Variants in TAF2 observed in about 807,000 individuals in gnomAD.
The protein encoded by TAF2 is transcription initiation factor TFIID subunit 2.
A neutral mutation model predicts 138.5 loss-of-function variants in TAF2; 61 were observed. The ratio of observed to expected loss-of-function variants is 0.44; its 90% confidence interval spans 0.36 to 0.54. The LOEUF (loss-of-function observed/expected upper bound fraction) is 0.54. Ranked by LOEUF, TAF2 falls within the 20% of genes least tolerant of loss-of-function variation. The pLI, the probability that TAF2 is intolerant of heterozygous loss-of-function variation, is 0.00. For synonymous variants in TAF2, 475 were observed against 469.9 expected (o/e 1.01, Z -0.14); for missense variants, 1,090 against 1,427.9 (o/e 0.76, Z 3.81).
At chr8:119,821,767 G>A (rs1003858509) in intron 2 of TAF2, among the ~76,000 whole-genome samples, 4 of 152,148 alleles carry the variant, frequency 2.6e-5, no homozygotes, top group African/African-American at 4.8e-5. Flanking sequence ...AGCCAGGCAT[G>A]GGCTCACGCC....
intron 18 of TAF2, among the ~76,000 whole-genome samples, chr8:119,776,405 G>A (rs866991881): frequency 1.5e-4 from 23 of 148,640 alleles, no homozygotes; most frequent in South Asian, 8.5e-4. Context: ...CAATTTGGCC[G>A]GGCACGGTGG....
chr8:119,743,987 C>T (rs1052090453), intron 24 of TAF2, among the ~76,000 whole-genome samples: 33 of 152,074 alleles, frequency 2.2e-4, no homozygotes, highest in Non-Finnish European at 2.8e-4. Flanking sequence ...ACTATGGTTA[C>T]ATGAAGTCAA....
intron 22 of TAF2, among the ~76,000 whole-genome samples, chr8:119,754,493 G>A (rs201999039): frequency 6.6e-6 from 1 of 152,074 alleles, no homozygotes; most frequent in Non-Finnish European, 1.5e-5. Context: ...GACCAGCCTG[G>A]CCAACATGGT....
At chr8:119,823,149 T>C (rs548847296) in intron 2 of TAF2, among the ~76,000 whole-genome samples, 46 of 152,338 alleles carry the variant, frequency 3.0e-4, no homozygotes, top group African/African-American at 1.1e-3. Context: ...TTTAAATGCC[T>C]TTAGATCTAT....
chr8:119,825,300 G>C (rs1282130273), intron 2 of TAF2, among the ~76,000 whole-genome samples: 1 of 152,190 alleles, frequency 6.6e-6, no homozygotes, highest in Non-Finnish European at 1.5e-5. Context: ...TCTGCCATTT[G>C]GAATGGCTGT....
At position 119,731,604 on chromosome 8, in the gene TAF2, T is replaced by C. The variant is rs941651454; in HGVS notation, c.*320A>G. 2.0e-5 allele frequency: 7 copies of C among 350,072 alleles called. No homozygotes were observed. The Admixed American group carries it at 2.9e-4, about 15-fold the overall frequency. The allele number at this position is 350,072 out of a possible 1,614,324, so 21.7% of individuals were successfully genotyped here. On this transcript the variant is annotated 3_prime_UTR_variant, in exon 26 of 26. Transcript: ENST00000378164. ...TTTCAAACATAATTGACTTTGGCGG[T>C]ACACATGGAGACCATGATGCGAACG...
At chr8:119,743,841 G>A (rs1016309199) in intron 24 of TAF2, among the ~76,000 whole-genome samples, 6 of 152,104 alleles carry the variant, frequency 3.9e-5, no homozygotes, top group Non-Finnish European at 5.9e-5. Context: ...TGTTGTCTTA[G>A]GTAGTATTTT....
Position 119,746,912 on chromosome 8 carries a change from T to C in TAF2, c.2901A>G (p.Leu967=). ...AGTACAAGTCCACAGCACCACACCG[T>C]AACCTCCAGTCATGTGAAGTACCTA... ...MNSGTSHDWR[L]RCGAVDLYFT... Residue 967 remains leucine (L), a synonymous_variant, in exon 23 of 26, where the codon TTA becomes TTG. Transcript: ENST00000378164. 6.2e-7 allele frequency: 1 copy of C among 1,614,136 alleles called. No individual in the cohort carries two copies.
chr8:119,746,575 A>G, intron 23 of TAF2, 130 bp downstream of exon 23: 2 of 972,764 alleles, frequency 2.1e-6, no homozygotes, highest in East Asian at 2.5e-5. Flanking sequence ...AATGTCAGCC[A>G]GCATTTTTTA....
chr8:119,738,167 CTATA>C (rs2130980523), intron 25 of TAF2, among the ~76,000 whole-genome samples: 1 of 151,522 alleles, frequency 6.6e-6, no homozygotes, highest in Non-Finnish European at 1.5e-5. Flanking sequence ...TTTTCTCTCT[CTATA>C]TATGTACGTA....
intron 3 of TAF2, 90 bp from the exon 4 acceptor site, chr8:119,806,491 A>C: frequency 1.1e-6 from 1 of 939,282 alleles, no homozygotes; most frequent in Non-Finnish European, 1.6e-6. Flanking sequence ...TTTTTTTTAG[A>C]TGAAGTCTCA....
chr8:119,760,844 T>G (rs1176186359), intron 19 of TAF2, 106 bp from the exon 20 acceptor site: 1 of 1,480,236 alleles, frequency 6.8e-7, no homozygotes, highest in Non-Finnish European at 9.3e-7. Flanking sequence ...TAAAAACTGA[T>G]GTGATTTTAA....
intron 25 of TAF2, among the ~76,000 whole-genome samples, chr8:119,739,976 G>T (rs920734235): frequency 6.6e-6 from 1 of 151,934 alleles, no homozygotes; most frequent in African/African-American, 2.4e-5. Context: ...TCAGCTTGAT[G>T]AACTGGATAT....
intron 23 of TAF2, among the ~76,000 whole-genome samples, chr8:119,746,270 G>A (rs1348864181): frequency 6.7e-6 from 1 of 148,756 alleles, no homozygotes; most frequent in African/African-American, 2.4e-5. Context: ...CTACTCAGGA[G>A]GCTAAGGCAG....
Position 119,806,135 on chromosome 8 carries a change from T to C in TAF2, c.418+148A>G, listed in dbSNP as rs543946347. On this transcript the variant is annotated intron_variant, in intron 4 of 25. Transcript: ENST00000378164. ...CAGGCTGGTCTTGAACTCCTGATCT[T>C]AGGTGATCCACCCGCCTCAGCCTCC... The C allele has an allele frequency of 1.1e-4, 79 of 713,334 alleles. 1 individual carries two copies. The highest frequency in any genetic ancestry group is 1.8e-4 in the Non-Finnish European group (73 of 398,858). The allele number at this position is 713,334 out of a possible 1,614,324, so 44.2% of individuals were successfully genotyped here. A position where few individuals can be genotyped will look rare whatever the true frequency, so the allele number is the denominator to read the frequency against.
At chr8:119,810,139 A>T (rs961920127) in intron 3 of TAF2, among the ~76,000 whole-genome samples, 2 of 152,070 alleles carry the variant, frequency 1.3e-5, no homozygotes, top group African/African-American at 4.8e-5. Flanking sequence ...AGTTGTACAA[A>T]TTTTAACATA....
At chr8:119,780,323 G>C (rs1474671328) in intron 17 of TAF2, among the ~76,000 whole-genome samples, 1 of 152,040 alleles carries the variant, frequency 6.6e-6, no homozygotes, top group African/African-American at 2.4e-5. Flanking sequence ...TTACATACTT[G>C]ATCTTAATTC....
chr8:119,748,168 A>C (rs1820110940), intron 22 of TAF2, among the ~76,000 whole-genome samples: 1 of 151,642 alleles, frequency 6.6e-6, no homozygotes, highest in Non-Finnish European at 1.5e-5. Flanking sequence ...AGGGGGAGGG[A>C]AGGCCCTTAA....
rs1443646822 is a variant in TAF2 at position 119,774,521 on chromosome 8, C to T, written c.2364+3498G>A. On this transcript the variant is annotated intron_variant, in intron 18 of 25. Coordinates refer to ENST00000378164, the MANE Select transcript of TAF2 (RefSeq NM_003184.4). Reference sequence around the variant, plus strand: ...TTTTTTTTTTTAGCTCATCAGCTATCGTTAGTGTTAGCGTATTTTACGTGT... The same window carrying T: ...TTTTTTTTTTTAGCTCATCAGCTATTGTTAGTGTTAGCGTATTTTACGTGT... Among the ~76,000 whole-genome samples the T allele has an allele frequency of 4.0e-5, 6 of 149,180 alleles. No homozygotes were observed. The South Asian group carries it at 6.3e-4, about 16-fold the overall frequency.
Sources: allele counts gnomAD v4.1 joint callset (sites outside exome capture counted in the v4.1 genomes callset), GRCh38; gene constraint gnomAD v4.1.1; transcripts MANE v1.5; gene names NCBI Gene and HGNC (gene_info 2026-07-23, HGNC 2026-07-21).